Variants in ZNF365 observed in about 807,000 individuals in gnomAD.
The protein encoded by ZNF365 is zinc finger protein 365, also known as protein ZNF365.
ZNF365 carries 22 observed loss-of-function variants against 35.0 expected under a neutral mutation model. The observed-to-expected ratio is 0.63, with a 90% CI of 0.45 to 0.90. The LOEUF is 0.90. ZNF365 is among the 40% of genes least tolerant of loss of function. The pLI, the probability that ZNF365 is intolerant of heterozygous loss-of-function variation, is 0.00. For missense variants in ZNF365, 448 were observed against 500.3 expected (o/e 0.90, Z 1.00); for synonymous variants, 188 against 196.2 (o/e 0.96, Z 0.35).
Position 62,400,679 on chromosome 10 carries a change from G to A in ZNF365, c.*890G>A. On this transcript the variant is annotated 3_prime_UTR_variant, in exon 5 of 5. Transcript: ENST00000395254. ...TGACCATCCTGGAAGCACTGCGGGT[G>A]TCGCCAAGCCCTTTCCTAAGACCTG... 1.0e-6 allele frequency: 1 copy of A among 985,714 alleles called. No individual in the cohort carries two copies. The highest frequency in any genetic ancestry group is 1.2e-6 in the Non-Finnish European group (1 of 830,042). The allele number at this position is 985,714 out of a possible 1,614,324, so 61.1% of individuals were successfully genotyped here.
intron 3 of ZNF365, among the ~76,000 whole-genome samples, chr10:62,417,665 CT>C (rs34591284): frequency 0.072 from 10,786 of 150,308 alleles, 778 homozygotes; most frequent in African/African-American, 0.19. Context: ...AATCTCCTGT[CT>C]TTTTTTTTTT....
At chr10:62,462,848 G>A (rs138829541) in intron 4 of ZNF365, among the ~76,000 whole-genome samples, 1 of 152,140 alleles carries the variant, frequency 6.6e-6, no homozygotes, top group Non-Finnish European at 1.5e-5. Context: ...TTCAAATATT[G>A]AATGCCTTGC....
chr10:62,457,182 C>T (rs1483152541), intron 3 of ZNF365, among the ~76,000 whole-genome samples: 2 of 152,206 alleles, frequency 1.3e-5, no homozygotes, highest in Non-Finnish European at 2.9e-5. Flanking sequence ...GCTGCACAAA[C>T]ATGTGTACCC....
chr10:62,459,815 G>A (rs770731096), intron 4 of ZNF365: 3 of 1,599,502 alleles, frequency 1.9e-6, no homozygotes, highest in Non-Finnish European at 1.7e-6. Flanking sequence ...CACCACCTGG[G>A]TGGGTGGGTT....
chr10:62,473,979 T>A (rs1432716295), intron 4 of ZNF365, among the ~76,000 whole-genome samples: 1 of 152,138 alleles, frequency 6.6e-6, no homozygotes, highest in African/African-American at 2.4e-5. Flanking sequence ...TCTTCTCTCC[T>A]CAGGGTCAAG....
At chr10:62,409,360 T>C (rs1839951732) in intron 3 of ZNF365, among the ~76,000 whole-genome samples, 1 of 152,182 alleles carries the variant, frequency 6.6e-6, no homozygotes, top group Non-Finnish European at 1.5e-5. Context: ...GATCTGGTTC[T>C]CTGTCCTCCC....
At chr10:62,470,003 G>T (rs1383248181) in intron 4 of ZNF365, among the ~76,000 whole-genome samples, 3 of 152,080 alleles carry the variant, frequency 2.0e-5, no homozygotes, top group African/African-American at 7.2e-5. Flanking sequence ...TCATAATATT[G>T]ATGAAACTAT....
chr10:62,476,449 A>G (rs1216318455), intron 4 of ZNF365, among the ~76,000 whole-genome samples: 2 of 152,210 alleles, frequency 1.3e-5, no homozygotes, highest in African/African-American at 4.8e-5. Flanking sequence ...GCCAACAATT[A>G]GATATTTTGG....
chr10:62,456,733 A>G (rs1248114377), intron 3 of ZNF365, among the ~76,000 whole-genome samples: 1 of 152,172 alleles, frequency 6.6e-6, no homozygotes, highest in Admixed American at 6.5e-5. Context: ...CTGGTTTCAT[A>G]TCCTCTTAGA....
intron 3 of ZNF365, among the ~76,000 whole-genome samples, chr10:62,447,038 GT>G: frequency 6.6e-6 from 1 of 152,242 alleles, no homozygotes; most frequent in Non-Finnish European, 1.5e-5. Flanking sequence ...ATGCAAATGT[GT>G]TTTGAATTTT....
chr10:62,409,942 A>T (rs1483789459), intron 3 of ZNF365, among the ~76,000 whole-genome samples: 1 of 152,056 alleles, frequency 6.6e-6, no homozygotes, highest in Non-Finnish European at 1.5e-5. Flanking sequence ...ATCAGGGCCA[A>T]TTTCCTCTCT....
intron 3 of ZNF365, among the ~76,000 whole-genome samples, chr10:62,436,834 T>C (rs1489487589): frequency 6.6e-6 from 1 of 152,208 alleles, no homozygotes; most frequent in African/African-American, 2.4e-5. Context: ...AAGATGGTTA[T>C]GATAGTACTG....
intron 2 of ZNF365, among the ~76,000 whole-genome samples, chr10:62,381,404 G>A (rs189129669): frequency 3.3e-4 from 51 of 152,268 alleles, no homozygotes; most frequent in Non-Finnish European, 2.9e-5. Context: ...TAGCAACGCT[G>A]AACCTGGAAT....
At chr10:62,420,102 C>A (rs1331683813) in intron 3 of ZNF365, among the ~76,000 whole-genome samples, 1 of 151,992 alleles carries the variant, frequency 6.6e-6, no homozygotes. Flanking sequence ...AACCTGAGTT[C>A]TTGGAATAAA....
intron 4 of ZNF365, among the ~76,000 whole-genome samples, chr10:62,462,240 G>A (rs1027429813): frequency 6.6e-6 from 1 of 152,216 alleles, no homozygotes; most frequent in East Asian, 1.9e-4. Context: ...ACTCAACTGT[G>A]TTTGCTCTCC....
chr10:62,420,124 CA>C (rs577095728), intron 3 of ZNF365, among the ~76,000 whole-genome samples: 9 of 152,110 alleles, frequency 5.9e-5, no homozygotes, highest in African/African-American at 2.2e-4. Context: ...CATACTTAGT[CA>C]TTACATATTA....
intron 3 of ZNF365, among the ~76,000 whole-genome samples, chr10:62,442,464 T>C (rs914744522): frequency 1.3e-5 from 2 of 152,180 alleles, no homozygotes; most frequent in African/African-American, 4.8e-5. Context: ...AGGTGTTCAC[T>C]TGGTGGTGGG....
intron 3 of ZNF365, among the ~76,000 whole-genome samples, chr10:62,421,544 A>G (rs1000301390): frequency 6.6e-6 from 1 of 152,152 alleles, no homozygotes; most frequent in Non-Finnish European, 1.5e-5. Context: ...GCAAAACCAC[A>G]GTGTGCTAAT....
chr10:62,453,608 C>CT (rs901533676), intron 3 of ZNF365, among the ~76,000 whole-genome samples: 41 of 152,208 alleles, frequency 2.7e-4, no homozygotes, highest in African/African-American at 9.1e-4. Context: ...GGTGTAGGTA[C>CT]TTTTTTTAAT....
Sources: allele counts gnomAD v4.1 joint callset (sites outside exome capture counted in the v4.1 genomes callset), GRCh38; gene constraint gnomAD v4.1.1; transcripts MANE v1.5; gene names NCBI Gene and HGNC (gene_info 2026-07-23, HGNC 2026-07-21).